The following CLNK variants were observed in gnomAD, a reference collection of about 807,000 sequenced individuals.
CLNK encodes the protein cytokine dependent hematopoietic cell linker.
A neutral mutation model predicts 68.6 loss-of-function variants in CLNK; 74 were observed. That is an observed-to-expected ratio of 1.08 (90% CI 0.89 to 1.31). The LOEUF (loss-of-function observed/expected upper bound fraction) is 1.31, where lower values mean the gene tolerates loss of function less well. Among genes scored for constraint, CLNK ranks in the 50% most tolerant of loss-of-function variants. CLNK has a pLI of 0.00. For synonymous variants in CLNK, 198 were observed against 172.2 expected (o/e 1.15, Z -1.17); for missense variants, 553 against 515.3 (o/e 1.07, Z -0.71).
At chr4:10,494,894 G>A (rs906220491) in intron 18 of CLNK, among the ~76,000 whole-genome samples, 1 of 152,090 alleles carries the variant, frequency 6.6e-6, no homozygotes, top group South Asian at 2.1e-4. Context: ...CCAATGTTAT[G>A]CTATTATTAG....
intron 8 of CLNK, among the ~76,000 whole-genome samples, chr4:10,558,077 C>G (rs1719743488): frequency 6.6e-6 from 1 of 152,132 alleles, no homozygotes; most frequent in African/African-American, 2.4e-5. Flanking sequence ...AGATTTCTAT[C>G]TTGTGGCTTT....
At chr4:10,714,501 G>T in the CLNK span, among the ~76,000 whole-genome samples, 1 of 152,122 alleles carries the variant, frequency 6.6e-6, no homozygotes, top group African/African-American at 2.4e-5. Context: ...GAATCATTTG[G>T]AACATACTTA....
At position 10,488,100 on chromosome 4, in the gene CLNK, A is replaced by C. The variant is rs1287974661; in HGVS notation, c.*2367T>G. Reference sequence around the variant, plus strand: ...TAAGCTTTTTATTGCAAGATGTTTAATTTCTTTTTTTTCTTCCTTTTCCCC... The same window carrying C: ...TAAGCTTTTTATTGCAAGATGTTTACTTTCTTTTTTTTCTTCCTTTTCCCC... On this transcript the variant is annotated 3_prime_UTR_variant, in exon 19 of 19. Coordinates refer to ENST00000226951, the MANE Select transcript of CLNK (RefSeq NM_052964.4). 1 of 152,144 alleles carries C rather than the reference A, an allele frequency of 6.6e-6. No individual in the cohort carries two copies. Among genetic ancestry groups the C allele is most frequent in the East Asian group, 1.9e-4 (1 of 5,200 alleles). 9.4% of individuals were successfully genotyped at this position (152,144 alleles called of 1,614,324 possible). A position where few individuals can be genotyped will look rare whatever the true frequency, so the allele number is the denominator to read the frequency against.
chr4:10,654,672 A>AT (rs899419434), intron 2 of CLNK, among the ~76,000 whole-genome samples: 12 of 152,078 alleles, frequency 7.9e-5, no homozygotes, highest in Non-Finnish European at 1.5e-4. Flanking sequence ...GAATAAACAG[A>AT]TTATTCGAAT....
chr4:10,499,531 C>T (rs759266754), intron 18 of CLNK, among the ~76,000 whole-genome samples: 17 of 152,188 alleles, frequency 1.1e-4, no homozygotes, highest in Non-Finnish European at 1.3e-4. Flanking sequence ...GCCTGCGCAT[C>T]GATTTCACAC....
At chr4:10,491,780 T>TA (rs1313557456) in intron 18 of CLNK, among the ~76,000 whole-genome samples, 1 of 152,118 alleles carries the variant, frequency 6.6e-6, no homozygotes, top group East Asian at 1.9e-4. Flanking sequence ...TTTTTTTTTT[T>TA]AATTTCAACA....
intron 2 of CLNK, among the ~76,000 whole-genome samples, chr4:10,657,636 G>T (rs890126539): frequency 6.6e-6 from 1 of 152,192 alleles, no homozygotes; most frequent in Non-Finnish European, 1.5e-5. Context: ...GTTATTCACA[G>T]AATTTTTGTT....
At chr4:10,562,845 T>C (rs1388794316) in intron 7 of CLNK, among the ~76,000 whole-genome samples, 1 of 152,244 alleles carries the variant, frequency 6.6e-6, no homozygotes, top group Non-Finnish European at 1.5e-5. Flanking sequence ...CTATTGTGCA[T>C]TTATTTATCA....
intron 11 of CLNK, among the ~76,000 whole-genome samples, chr4:10,537,473 A>G (rs1718804862): frequency 6.6e-6 from 1 of 151,970 alleles, no homozygotes; most frequent in Admixed American, 6.6e-5. Context: ...GCGAGATTCC[A>G]TCTCAAAAAA....
At chr4:10,668,645 G>A (rs747117195) in intron 1 of CLNK, among the ~76,000 whole-genome samples, 1 of 152,172 alleles carries the variant, frequency 6.6e-6, no homozygotes, top group East Asian at 1.9e-4. Flanking sequence ...ATCTGGGAGT[G>A]GTAACAAAAG....
the CLNK span, chr4:10,697,777 A>G: frequency 6.6e-6 from 1 of 152,200 alleles, no homozygotes; most frequent in Admixed American, 6.5e-5. Flanking sequence ...TCCTGGGAAC[A>G]TTGAACTGTA....
At chr4:10,551,847 A>G (rs1458475068) in intron 8 of CLNK, among the ~76,000 whole-genome samples, 2 of 141,668 alleles carry the variant, frequency 1.4e-5, no homozygotes, top group Non-Finnish European at 3.1e-5. Flanking sequence ...AGAGAATTGT[A>G]ATTTTTTTTT....
At chr4:10,556,900 A>AC (rs1384623010) in intron 8 of CLNK, among the ~76,000 whole-genome samples, 1 of 151,646 alleles carries the variant, frequency 6.6e-6, no homozygotes, top group African/African-American at 2.4e-5. Context: ...ACATGGTGAA[A>AC]CCCCGTCTCT....
the CLNK span, among the ~76,000 whole-genome samples, chr4:10,699,297 C>CACAT: frequency 4.6e-5 from 5 of 108,450 alleles, 1 homozygote; most frequent in African/African-American, 7.0e-5. Flanking sequence ...TGTATACACA[C>CACAT]ACACACCACA....
chr4:10,558,383 A>G, intron 8 of CLNK, 24 bp downstream of exon 8: 1 of 1,609,558 alleles, frequency 6.2e-7, no homozygotes, highest in Non-Finnish European at 8.5e-7. Flanking sequence ...CTTACATTTT[A>G]AACTTCGATT....
chr4:10,610,246 C>G (rs1024543637), intron 2 of CLNK, among the ~76,000 whole-genome samples: 4 of 149,410 alleles, frequency 2.7e-5, no homozygotes, highest in African/African-American at 9.8e-5. Flanking sequence ...TTAGTAGAGA[C>G]GGGGTTTCAC....
At chr4:10,680,787 C>T (rs1725068151) in intron 1 of CLNK, among the ~76,000 whole-genome samples, 1 of 152,030 alleles carries the variant, frequency 6.6e-6, no homozygotes, top group African/African-American at 2.4e-5. Flanking sequence ...TTGTCTAAAA[C>T]CATATTGCTA....
the CLNK span, among the ~76,000 whole-genome samples, chr4:10,720,722 G>A: frequency 6.7e-6 from 1 of 150,122 alleles, no homozygotes. Context: ...AGGATATGTT[G>A]AAAATGGATC....
chr4:10,588,917 T>G (rs1220009444), intron 3 of CLNK, among the ~76,000 whole-genome samples: 1 of 152,120 alleles, frequency 6.6e-6, no homozygotes, highest in African/African-American at 2.4e-5. Context: ...AAGGGTGGGT[T>G]GCCAAGGGCT....
Sources: allele counts gnomAD v4.1 joint callset (sites outside exome capture counted in the v4.1 genomes callset), GRCh38; gene constraint gnomAD v4.1.1; transcripts MANE v1.5; gene names NCBI Gene and HGNC (gene_info 2026-07-23, HGNC 2026-07-21).